Variants in ARPC2 observed in about 807,000 individuals in gnomAD.
ARPC2 encodes actin-related protein 2/3 complex subunit 2.
Under a neutral mutation model 38.6 loss-of-function variants are expected in ARPC2, and 4 were observed. That is an observed-to-expected ratio of 0.10 (90% CI 0.05 to 0.24). ARPC2 has a LOEUF of 0.24. Ranked by LOEUF, ARPC2 falls within the 10% of genes least tolerant of loss-of-function variation. The pLI is 1.00. For missense variants in ARPC2, 229 were observed against 387.3 expected, an observed-to-expected ratio of 0.59 and a Z score of 3.43; for synonymous variants, 125 against 140.8, an observed-to-expected ratio of 0.89 and a Z score of 0.79.
intron 3 of ARPC2, among the ~76,000 whole-genome samples, chr2:218,226,357 CGG>C (rs1483407842): frequency 6.6e-6 from 1 of 151,476 alleles, no homozygotes; most frequent in African/African-American, 2.4e-5. Context: ...GGATTGGGTG[CGG>C]TAGCTCATGC....
chr2:218,244,863 G>T (rs1320133878), intron 7 of ARPC2, among the ~76,000 whole-genome samples: 1 of 152,242 alleles, frequency 6.6e-6, no homozygotes, highest in Non-Finnish European at 1.5e-5. Context: ...TGTTCTTGCA[G>T]ATCTGGCTGA....
At chr2:218,228,972 GGGCTCT>G (rs1559477178) in intron 4 of ARPC2, 122 bp downstream of exon 4, 9 of 615,586 alleles carry the variant, frequency 1.5e-5, no homozygotes, top group Non-Finnish European at 2.6e-5. Flanking sequence ...ACCTAACTAG[GGGCTCT>G]TGACTTGATT....
At chr2:218,222,621 C>T (rs1038535147) in intron 2 of ARPC2, among the ~76,000 whole-genome samples, 1 of 152,138 alleles carries the variant, frequency 6.6e-6, no homozygotes, top group African/African-American at 2.4e-5. Flanking sequence ...TAACCAATTC[C>T]TGATTCAGGG....
At chr2:218,225,578 G>A (rs1421966237) in intron 2 of ARPC2, among the ~76,000 whole-genome samples, 1 of 152,212 alleles carries the variant, frequency 6.6e-6, no homozygotes, top group Admixed American at 6.5e-5. Context: ...TGTGGGGAAG[G>A]CATTGACCAA....
At chr2:218,219,339 A>G (rs1235366798) in intron 2 of ARPC2, among the ~76,000 whole-genome samples, 2 of 151,792 alleles carry the variant, frequency 1.3e-5, no homozygotes, top group Non-Finnish European at 2.9e-5. Flanking sequence ...TCTGGAAGAC[A>G]TAAGTTAGAA....
chr2:218,222,864 A>T (rs1446582501), intron 2 of ARPC2, among the ~76,000 whole-genome samples: 2 of 152,168 alleles, frequency 1.3e-5, no homozygotes, highest in Non-Finnish European at 2.9e-5. Flanking sequence ...AGTAACTACT[A>T]CATATTAAGT....
chr2:218,242,569 A>G (rs961734215), intron 7 of ARPC2, among the ~76,000 whole-genome samples: 3 of 152,168 alleles, frequency 2.0e-5, no homozygotes, highest in Non-Finnish European at 4.4e-5. Context: ...TTTGGTAGAC[A>G]TTGCCAAACT....
chr2:218,217,258 G>C lies in ARPC2; in HGVS notation c.-9+4G>C. On this transcript the variant is annotated splice_donor_region_variant and intron_variant, in intron 1 of 10. Coordinates refer to ENST00000315717, the MANE Select transcript of ARPC2 (RefSeq NM_152862.3). ...GGGTTCAGGCTTCGGGGGCCAGGTC[G>C]GTTGGGTGGGTGGGTGTCTCCACAG... 1 of 534,750 alleles carries C rather than the reference G, an allele frequency of 1.9e-6. No homozygotes were observed. The highest frequency in any genetic ancestry group is 2.3e-5 in the South Asian group (1 of 43,354). The allele number at this position is 534,750 out of a possible 1,614,324, so 33.1% of individuals were successfully genotyped here. A position where few individuals can be genotyped will look rare whatever the true frequency, so the allele number is the denominator to read the frequency against.
At chr2:218,239,325 G>A in intron 6 of ARPC2, 66 bp from the exon 7 acceptor site, 1 of 1,144,602 alleles carries the variant, frequency 8.7e-7, no homozygotes, top group Non-Finnish European at 1.3e-6. Context: ...TGTACTTGTA[G>A]ATCAAGTTAT....
In ARPC2 at chr2:218,245,584, A is replaced by T. The variant is rs375054874; in HGVS notation, c.676+38A>T. On this transcript the variant is annotated intron_variant, in intron 8 of 10. Transcript: ENST00000315717. ...CACTTGCTGCTTTTGTGCCGCTTTA[A>T]TGAGTTCACACAGCAGAATACCTAA... 1.6e-5 allele frequency: 26 copies of T among 1,612,568 alleles called. No homozygotes were observed. The African/African-American group carries it at 3.1e-4, about 19-fold the overall frequency.
At chr2:218,242,838 A>G (rs1689946259) in intron 7 of ARPC2, among the ~76,000 whole-genome samples, 1 of 152,128 alleles carries the variant, frequency 6.6e-6, no homozygotes, top group Non-Finnish European at 1.5e-5. Context: ...GAGCTTCTCA[A>G]TTTCTTTACA....
chr2:218,248,444 A>G (rs1165846825), intron 8 of ARPC2, among the ~76,000 whole-genome samples: 1 of 152,214 alleles, frequency 6.6e-6, no homozygotes, highest in Non-Finnish European at 1.5e-5. Flanking sequence ...GCTGTAGTGC[A>G]AAGGACTTTG....
chr2:218,237,523 A>AT (rs535177958), intron 5 of ARPC2, among the ~76,000 whole-genome samples: 4,404 of 132,416 alleles, frequency 0.033, 62 homozygotes, highest in Middle Eastern at 0.04. Flanking sequence ...CCCACCACCA[A>AT]TTTTTTTTTT....
At chr2:218,226,444 A>C (rs1185368768) in intron 3 of ARPC2, among the ~76,000 whole-genome samples, 2 of 151,762 alleles carry the variant, frequency 1.3e-5, no homozygotes. Context: ...CCTGGCTAAC[A>C]TGATGAAACC....
At chr2:218,226,889 A>G in intron 3 of ARPC2, 1 of 374,064 alleles carries the variant, frequency 2.7e-6, no homozygotes, top group Non-Finnish European at 5.7e-6. Flanking sequence ...GCACTAGAGT[A>G]GTAGGGAAAC....
At chr2:218,253,670 G>A (rs1213914385) in intron 10 of ARPC2, among the ~76,000 whole-genome samples, 3 of 152,124 alleles carry the variant, frequency 2.0e-5, no homozygotes, top group Non-Finnish European at 2.9e-5. Context: ...TGATATTCCC[G>A]GGCATCCAAA....
intron 10 of ARPC2, among the ~76,000 whole-genome samples, chr2:218,251,088 G>C (rs1025764561): frequency 6.6e-6 from 1 of 151,890 alleles, no homozygotes; most frequent in Non-Finnish European, 1.5e-5. Context: ...CACCCACCTC[G>C]GCCTCCCATC....
At chr2:218,253,858 A>G in intron 10 of ARPC2, 33 bp from the exon 11 acceptor site, 1 of 1,612,104 alleles carries the variant, frequency 6.2e-7, no homozygotes, top group Non-Finnish European at 8.5e-7. Flanking sequence ...GGCAGCCAGA[A>G]ACTGACCTTC....
At chr2:218,248,665 T>G (rs183334534) in intron 8 of ARPC2, among the ~76,000 whole-genome samples, 1 of 152,324 alleles carries the variant, frequency 6.6e-6, no homozygotes, top group East Asian at 1.9e-4. Context: ...TTCACCATGT[T>G]GGCCAGGCTG....
Sources: allele counts gnomAD v4.1 joint callset (sites outside exome capture counted in the v4.1 genomes callset), GRCh38; gene constraint gnomAD v4.1.1; transcripts MANE v1.5; gene names NCBI Gene and HGNC (gene_info 2026-07-23, HGNC 2026-07-21).